IRAK2: variants seen among roughly 807,000 people sequenced by gnomAD.
The protein encoded by IRAK2 is interleukin-1 receptor-associated kinase-like 2.
Under a neutral mutation model 72.0 loss-of-function variants are expected in IRAK2, and 57 were observed. The ratio of observed to expected loss-of-function variants is 0.79; its 90% CI spans 0.64 to 0.99. The LOEUF (loss-of-function observed/expected upper bound fraction) is 0.99, where lower values mean the gene tolerates loss of function less well. Among genes scored for constraint, IRAK2 ranks in the 50% least tolerant of loss-of-function variants. The pLI, the probability that IRAK2 is intolerant of heterozygous loss-of-function variation, is 0.00. For synonymous variants in IRAK2, 293 were observed against 312.7 expected (o/e 0.94, Z 0.67); for missense variants, 790 against 794.4 (o/e 0.99, Z 0.07).
In IRAK2 at chr3:10,218,443, AAAC is replaced by A. The variant is rs1559450051; in HGVS notation, c.904-1236_904-1234del. 7.7e-5 allele frequency among the ~76,000 whole-genome samples: 10 copies of A among 130,536 alleles called. 1 individual carries two copies. The highest frequency in any genetic ancestry group is 9.0e-5 in the African/African-American group (3 of 33,288). The allele number at this position is 130,536 out of a possible 152,430, so 85.6% of individuals were successfully genotyped here. A position where few individuals can be genotyped will look rare whatever the true frequency, so the allele number is the denominator to read the frequency against. On this transcript the variant is annotated intron_variant, in intron 7 of 12. Transcript: ENST00000256458. The stretch of plus-strand genomic sequence containing the variant: ...CGTCTCAAAAAAAAAAAAAAAAAAA[AAAC>A]CAAAACGGTGATGATTTAGCCTGGG...
chr3:10,237,396 G>C (rs1476204464), intron 11 of IRAK2, among the ~76,000 whole-genome samples: 1 of 152,172 alleles, frequency 6.6e-6, no homozygotes, highest in Non-Finnish European at 1.5e-5. Flanking sequence ...AAGCAGGCCT[G>C]GGTTTGATGG....
chr3:10,198,596 A>G (rs1236621219), intron 2 of IRAK2, among the ~76,000 whole-genome samples: 1 of 152,228 alleles, frequency 6.6e-6, no homozygotes, highest in Non-Finnish European at 1.5e-5. Flanking sequence ...AAACCTATGA[A>G]CTACCAGAGA....
chr3:10,191,779 T>C (rs1697179358), intron 2 of IRAK2, among the ~76,000 whole-genome samples: 1 of 152,200 alleles, frequency 6.6e-6, no homozygotes, highest in Non-Finnish European at 1.5e-5. Context: ...GTTTTCAGCA[T>C]AGAGCACCTC....
At position 10,235,855 on chromosome 3, in the gene IRAK2, C is replaced by T. The variant is rs557856497; in HGVS notation, c.1473+1196C>T. On this transcript the variant is annotated intron_variant, in intron 11 of 12. Transcript: ENST00000256458. ...GTTCAGCCTTATGTCCATCGTCTTG[C>T]GCTGTCACGTGGCAGGAGCTGGAGG... 2.8e-4 allele frequency among the ~76,000 whole-genome samples: 43 copies of T among 152,244 alleles called. 1 individual carries two copies. Among genetic ancestry groups the T allele is most frequent in the South Asian group, 2.3e-3 (11 of 4,812 alleles).
chr3:10,227,932 G>A (rs1448759280), intron 10 of IRAK2, among the ~76,000 whole-genome samples: 1 of 152,030 alleles, frequency 6.6e-6, no homozygotes, highest in Non-Finnish European at 1.5e-5. Flanking sequence ...GCCTCCCAAA[G>A]TGCTGGGATT....
intron 8 of IRAK2, among the ~76,000 whole-genome samples, chr3:10,221,135 G>A (rs1168828565): frequency 6.7e-6 from 1 of 149,958 alleles, no homozygotes; most frequent in Non-Finnish European, 1.5e-5. Context: ...GCTCACGCCT[G>A]TAATCCCAGC....
At chr3:10,166,722 G>A (rs1696694992) in intron 1 of IRAK2, among the ~76,000 whole-genome samples, 1 of 152,154 alleles carries the variant, frequency 6.6e-6, no homozygotes, top group African/African-American at 2.4e-5. Context: ...TCGGCTCACT[G>A]CAGCTTCCGC....
intron 2 of IRAK2, among the ~76,000 whole-genome samples, chr3:10,182,570 T>C (rs1321881087): frequency 5.9e-5 from 9 of 151,438 alleles, no homozygotes; most frequent in East Asian, 2.0e-4. Context: ...CGTGAGCCAC[T>C]GCGCCCGGCC....
At chr3:10,209,997 G>T (rs936694091) in intron 4 of IRAK2, among the ~76,000 whole-genome samples, 2 of 152,120 alleles carry the variant, frequency 1.3e-5, no homozygotes, top group African/African-American at 4.8e-5. Flanking sequence ...TCGGGTCACT[G>T]CAACCTCCGC....
intron 1 of IRAK2, among the ~76,000 whole-genome samples, chr3:10,176,783 G>C (rs371872881): frequency 6.0e-5 from 9 of 150,586 alleles, no homozygotes; most frequent in Middle Eastern, 3.5e-3. Flanking sequence ...GGCCTACTTC[G>C]TTTATTTTTT....
chr3:10,174,932 C>CAAA (rs771089899), intron 1 of IRAK2, among the ~76,000 whole-genome samples: 7 of 143,272 alleles, frequency 4.9e-5, no homozygotes, highest in Non-Finnish European at 7.6e-5. Flanking sequence ...ATGCCTGTAC[C>CAAA]AAAAAAAAAA....
intron 1 of IRAK2, among the ~76,000 whole-genome samples, chr3:10,176,237 C>T (rs928259125): frequency 3.3e-5 from 5 of 152,094 alleles, no homozygotes; most frequent in African/African-American, 1.2e-4. Flanking sequence ...ATCCTTATAA[C>T]AGTTCTGTGA....
At chr3:10,170,491 A>G (rs965953424) in intron 1 of IRAK2, among the ~76,000 whole-genome samples, 2 of 152,202 alleles carry the variant, frequency 1.3e-5, no homozygotes, top group African/African-American at 4.8e-5. Context: ...TGAAATCAAG[A>G]GGACTTTCCT....
intron 11 of IRAK2, among the ~76,000 whole-genome samples, chr3:10,236,224 G>A (rs946522165): frequency 1.3e-5 from 2 of 152,088 alleles, no homozygotes; most frequent in African/African-American, 2.4e-5. Context: ...AAGAAGGTCC[G>A]AAGGGCTAGA....
intron 2 of IRAK2, among the ~76,000 whole-genome samples, chr3:10,197,299 C>T (rs1482771781): frequency 6.0e-5 from 9 of 150,414 alleles, no homozygotes; most frequent in African/African-American, 1.7e-4. Flanking sequence ...GCAGGAGAAT[C>T]GCTTGAATCC....
intron 9 of IRAK2, among the ~76,000 whole-genome samples, chr3:10,225,781 A>T (rs554947368): frequency 5.8e-4 from 88 of 150,926 alleles, no homozygotes; most frequent in African/African-American, 2.1e-3. Context: ...TCACTGCAAG[A>T]TCCACCTCCC....
intron 3 of IRAK2, among the ~76,000 whole-genome samples, chr3:10,204,541 G>A (rs1697408601): frequency 1.3e-5 from 2 of 152,118 alleles, no homozygotes; most frequent in Non-Finnish European, 2.9e-5. Flanking sequence ...CTCAGGTCAG[G>A]AGTTCGAGAC....
intron 4 of IRAK2, among the ~76,000 whole-genome samples, chr3:10,211,002 G>A (rs1473059232): frequency 1.3e-5 from 2 of 152,186 alleles, no homozygotes; most frequent in East Asian, 3.9e-4. Flanking sequence ...GGGATTACAT[G>A]CACATGCCAG....
intron 10 of IRAK2, among the ~76,000 whole-genome samples, chr3:10,228,571 T>G (rs1022878414): frequency 1.3e-5 from 2 of 152,170 alleles, no homozygotes; most frequent in African/African-American, 4.8e-5. Context: ...CTAGAATTAT[T>G]TTTTTGCTAA....
Sources: allele counts gnomAD v4.1 joint callset (sites outside exome capture counted in the v4.1 genomes callset), GRCh38; gene constraint gnomAD v4.1.1; transcripts MANE v1.5; gene names NCBI Gene and HGNC (gene_info 2026-07-23, HGNC 2026-07-21).